AP2A2: variants seen among roughly 807,000 people sequenced by gnomAD.
AP2A2 encodes AP-2 complex subunit alpha-2.
Under a neutral mutation model 104.2 loss-of-function variants are expected in AP2A2, and 32 were observed. The ratio of observed to expected loss-of-function variants is 0.31; its 90% confidence interval spans 0.23 to 0.41. The LOEUF (loss-of-function observed/expected upper bound fraction) is 0.41. Among genes scored for constraint, AP2A2 ranks in the 10% least tolerant of loss-of-function variants. AP2A2 has a pLI of 1.00. For missense variants in AP2A2, 912 were observed against 1,261.0 expected, an observed-to-expected ratio of 0.72 and a Z score of 4.19; for synonymous variants, 539 against 533.3, an observed-to-expected ratio of 1.01 and a Z score of -0.15.
chr11:1,006,632 A>G lies in AP2A2; in HGVS notation c.2296+15A>G. On this transcript the variant is annotated intron_variant, in intron 17 of 21. Coordinates refer to ENST00000448903, the MANE Select transcript of AP2A2 (RefSeq NM_012305.4). ...CCTTCAGCCTAATATCCTTGGCTTC[A>G]TTGCCCCATGCCCGCAGACAGCATA... 1 of 1,599,292 alleles carries G rather than the reference A, an allele frequency of 6.3e-7. No individual in the cohort carries two copies. The highest frequency in any genetic ancestry group is 8.6e-7 in the Non-Finnish European group (1 of 1,167,216).
At chr11:954,972 T>G (rs1854189325) in intron 1 of AP2A2, among the ~76,000 whole-genome samples, 2 of 152,362 alleles carry the variant, frequency 1.3e-5, no homozygotes, top group South Asian at 2.1e-4. Context: ...TGTAGTAGTA[T>G]TTCCTCTTTC....
chr11:967,653 C>A (rs912115625), intron 2 of AP2A2, among the ~76,000 whole-genome samples: 1 of 152,154 alleles, frequency 6.6e-6, no homozygotes, highest in Non-Finnish European at 1.5e-5. Context: ...AGCCACCATG[C>A]GCGGCCCTGT....
Position 986,876 on chromosome 11 carries a change from A to G in AP2A2, c.1054A>G (p.Met352Val), listed in dbSNP as rs374206027. Residue 352 changes from methionine (M) to valine (V), a missense_variant, in exon 9 of 22, where the codon ATG (methionine) becomes GTG (valine). By Grantham distance (21) the Met-to-Val change is conservative (BLOSUM62 1). Transcript: ENST00000448903. Reference sequence around the variant, plus strand: ...CCTGCGCTACCTGGCCCTGGAGAGCATGTGCACGCTGGCCAGCTCTGAGTT... The same window carrying G: ...CCTGCGCTACCTGGCCCTGGAGAGCGTGTGCACGCTGGCCAGCTCTGAGTT... ...TNLRYLALES[M>V]CTLASSEFSH... The G allele has an allele frequency of 1.9e-6, 3 of 1,610,028 alleles. No homozygotes were observed. Among genetic ancestry groups the G allele is most frequent in the East Asian group, 2.2e-5 (1 of 44,772 alleles).
intron 14 of AP2A2, among the ~76,000 whole-genome samples, chr11:997,055 GA>G (rs1334244567): frequency 1.3e-5 from 2 of 152,186 alleles, no homozygotes; most frequent in Non-Finnish European, 2.9e-5. Context: ...CACTCCTGGC[GA>G]AGTTTTCTTG....
At position 992,308 on chromosome 11, in the gene AP2A2, C is replaced by T. The variant is rs1256489691; in HGVS notation, c.1270-195C>T. ...CTCCGCCTCTTCCTGGCTTTCTTTG[C>T]TTAAGTCAGGGCATCTTAAACTTTC... is the stretch of plus-strand genomic sequence containing the variant. On this transcript the variant is annotated intron_variant, in intron 10 of 21. Transcript: ENST00000448903. The surrounding 1 kb of genome is among the most constrained non-coding windows in gnomAD (Gnocchi z 6.4). 6.6e-6 allele frequency among the ~76,000 whole-genome samples: 1 copy of T among 152,232 alleles called. No individual in the cohort carries two copies. Among genetic ancestry groups the T allele is most frequent in the African/African-American group, 2.4e-5 (1 of 41,458 alleles).
chr11:959,466 A>G lies in AP2A2; in HGVS notation c.97A>G (p.Ile33Val), dbSNP rs1854355387. The change falls in exon 2 of 22, where the codon ATA becomes GTA. Residue 33 changes from isoleucine to valine, a missense_variant. By Grantham distance (29) the Ile-to-Val change is conservative. This residue lies in a region of AP2A2 where 43 missense variants were observed against 47.0 expected (regional missense o/e 0.91). Transcript: ENST00000448903. The stretch of plus-strand genomic sequence containing the variant: ...AAGTAAAGAAGCAGAAATAAAAAGG[A>G]TAAACAAGGAACTGGCAAATATCAG... ...CKSKEAEIKR[I>V]NKELANIRSK... 1.9e-6 allele frequency: 3 copies of G among 1,557,038 alleles called. No homozygotes were observed. The highest frequency in any genetic ancestry group is 1.1e-5 in the South Asian group (1 of 88,764).
At chr11:940,350 CTTG>C (rs1853604923) in intron 1 of AP2A2, among the ~76,000 whole-genome samples, 1 of 152,122 alleles carries the variant, frequency 6.6e-6, no homozygotes, top group Admixed American at 6.5e-5. Flanking sequence ...GGAAAATATT[CTTG>C]TTGTATTTTG....
At chr11:956,639 C>T (rs548144652) in intron 1 of AP2A2, 25 of 152,284 alleles carry the variant, frequency 1.6e-4, no homozygotes, top group Admixed American at 9.8e-4. Context: ...TTAAACTACA[C>T]GTGGTCTCAT....
chr11:987,135 C>G, intron 9 of AP2A2, among the ~76,000 whole-genome samples, 182 bp downstream of exon 9: 1 of 152,222 alleles, frequency 6.6e-6, no homozygotes, highest in African/African-American at 2.4e-5. Flanking sequence ...GCCATGCTGC[C>G]TGGAGATGGC....
At chr11:945,260 G>A (rs1362381453) in intron 1 of AP2A2, among the ~76,000 whole-genome samples, 1 of 152,186 alleles carries the variant, frequency 6.6e-6, no homozygotes, top group South Asian at 2.1e-4. Flanking sequence ...GGGAGAGGCA[G>A]CCAAAACCAG....
At chr11:987,147 G>A (rs1036333993) in intron 9 of AP2A2, among the ~76,000 whole-genome samples, 194 bp downstream of exon 9, 2 of 152,238 alleles carry the variant, frequency 1.3e-5, no homozygotes, top group Non-Finnish European at 2.9e-5. Flanking sequence ...GGAGATGGCC[G>A]GGTTGGCCCT....
At chr11:981,477 C>T (rs999222607) in intron 6 of AP2A2, 178 bp downstream of exon 6, 2 of 582,736 alleles carry the variant, frequency 3.4e-6, no homozygotes, top group South Asian at 2.1e-5. Flanking sequence ...AGAAGCACAG[C>T]TCCCTGTTCC....
At chr11:956,204 T>C (rs2134548719) in intron 1 of AP2A2, among the ~76,000 whole-genome samples, 1 of 152,184 alleles carries the variant, frequency 6.6e-6, no homozygotes, top group South Asian at 2.1e-4. Context: ...TTTTTCTTTC[T>C]GGGGATGGAA....
intron 18 of AP2A2, 62 bp downstream of exon 18, chr11:1,008,197 G>A (rs903713396): frequency 1.3e-6 from 2 of 1,515,184 alleles, no homozygotes; most frequent in Non-Finnish European, 1.8e-6. Context: ...GTGTGCCTGG[G>A]CTCCATGACT....
chr11:953,662 A>C (rs1854130371), intron 1 of AP2A2, among the ~76,000 whole-genome samples: 2 of 146,530 alleles, frequency 1.4e-5, no homozygotes, highest in Non-Finnish European at 1.5e-5. Context: ...CTGTCCCTGC[A>C]CCTCCCCTTT....
Position 1,011,734 on chromosome 11 carries a change from G to A in AP2A2, c.*1109G>A. The A allele has an allele frequency of 3.0e-6, 1 of 332,880 alleles. No individual in the cohort carries two copies. Among genetic ancestry groups the A allele is most frequent in the South Asian group, 2.3e-5 (1 of 44,012 alleles). 20.6% of individuals were successfully genotyped at this position (332,880 alleles called of 1,614,324 possible). Reference sequence around the variant, plus strand: ...TTCTGGCTTCCTGACATGCTGTGGAGGCAGGGAGGGTGGGTGGCCACATGT... The same window carrying A: ...TTCTGGCTTCCTGACATGCTGTGGAAGCAGGGAGGGTGGGTGGCCACATGT... On this transcript the variant is annotated 3_prime_UTR_variant, in exon 22 of 22. Transcript: ENST00000448903.
chr11:982,652 CTT>C (rs879756517), intron 6 of AP2A2, among the ~76,000 whole-genome samples: 34 of 140,364 alleles, frequency 2.4e-4, no homozygotes, highest in South Asian at 4.6e-4. Context: ...TTGTGGGAAA[CTT>C]TTTTTTTTTT....
chr11:976,124 C>A (rs1855025584), intron 4 of AP2A2, among the ~76,000 whole-genome samples: 1 of 152,174 alleles, frequency 6.6e-6, no homozygotes, highest in South Asian at 2.1e-4. Context: ...CCTGACGTGG[C>A]CTCGACCACA....
At chr11:990,461 T>C (rs981523717) in intron 10 of AP2A2, among the ~76,000 whole-genome samples, 1 of 152,152 alleles carries the variant, frequency 6.6e-6, no homozygotes, top group Non-Finnish European at 1.5e-5. Context: ...TCTGGGTGTT[T>C]TGAACAGAGA....
Sources: gnomAD v4.1 joint callset for allele counts (sites outside exome capture counted in the v4.1 genomes callset) on GRCh38, gnomAD v4.1.1 for gene constraint, gnomAD v4.1.1 regional missense constraint, Gnocchi (gnomAD v3.1) non-coding constraint, MANE v1.5 for transcripts, NCBI Gene and HGNC (gene_info 2026-07-23, HGNC 2026-07-21) for gene names.